Variants in WIPF3 observed in about 807,000 individuals in gnomAD.
WIPF3 encodes WAS/WASL-interacting protein family member 3.
WIPF3 carries 33 observed loss-of-function variants against 38.9 expected under a neutral mutation model. The observed-to-expected ratio is 0.85, with a 90% confidence interval of 0.64 to 1.14. WIPF3 has a LOEUF of 1.14. Among genes scored for constraint, WIPF3 ranks in the 50% most tolerant of loss-of-function variants. The pLI is 0.00. For synonymous variants in WIPF3, 324 were observed against 269.3 expected (o/e 1.20, Z -1.99); for missense variants, 711 against 652.5 (o/e 1.09, Z -0.98).
intron 2 of WIPF3, among the ~76,000 whole-genome samples, chr7:29,847,342 A>C (rs915801842): frequency 6.6e-6 from 1 of 152,168 alleles, no homozygotes; most frequent in Non-Finnish European, 1.5e-5. Flanking sequence ...GCAGTCTGAA[A>C]ATAGCCCAAA....
intron 7 of WIPF3, among the ~76,000 whole-genome samples, chr7:29,890,101 G>A (rs914720013): frequency 6.6e-6 from 1 of 152,164 alleles, no homozygotes; most frequent in East Asian, 1.9e-4. Context: ...ATCCATGCCT[G>A]TAACCCCAGC....
chr7:29,827,601 A>G (rs1784639614), intron 1 of WIPF3, among the ~76,000 whole-genome samples: 1 of 152,076 alleles, frequency 6.6e-6, no homozygotes, highest in African/African-American at 2.4e-5. Flanking sequence ...AATGTGAGAT[A>G]TATATTGCGT....
intron 7 of WIPF3, 55 bp downstream of exon 7, chr7:29,889,462 GC>G: frequency 7.4e-7 from 1 of 1,343,382 alleles, no homozygotes; most frequent in Non-Finnish European, 1.1e-6. Flanking sequence ...AAAATTAGGT[GC>G]CCACTGTGCA....
chr7:29,883,900 C>G lies in WIPF3; in HGVS notation c.406C>G (p.Pro136Ala). Residue 136 changes from proline (P) to alanine (A), a missense_variant, in exon 5 of 9, where the codon CCC (proline) becomes GCC (alanine). Coordinates refer to ENST00000242140, the MANE Select transcript of WIPF3 (RefSeq NM_001080529.3). Reference protein sequence around the residue: ...PGSRAPSPRLPNKTISGPLIP... With the variant: ...PGSRAPSPRLANKTISGPLIP... ...CTCCCGCGCGCCCTCTCCCAGGCTTCCCAACAAAACCATCAGCGGCCCGCT... is the reference window on the plus strand; with the variant it reads ...CTCCCGCGCGCCCTCTCCCAGGCTTGCCAACAAAACCATCAGCGGCCCGCT... The G allele has an allele frequency of 6.3e-7, 1 of 1,579,660 alleles. No individual in the cohort carries two copies. The highest frequency in any genetic ancestry group is 1.3e-5 in the African/African-American group (1 of 74,102).
rs1296237213 is a variant in WIPF3, at chr7:29,915,317, G to A, written c.*801G>A. ...CCAGTAGCCAGCTTTATGAGATTTT[G>A]GTATTTCTTCCCTACAGATTAAAAA... On this transcript the variant is annotated 3_prime_UTR_variant, in exon 9 of 9. Coordinates refer to ENST00000242140, the MANE Select transcript of WIPF3 (RefSeq NM_001080529.3). 6.6e-6 allele frequency: 1 copy of A among 151,680 alleles called. No individual in the cohort carries two copies. The highest frequency in any genetic ancestry group is 2.4e-5 in the African/African-American group (1 of 41,216). The allele number at this position is 151,680 out of a possible 1,614,324, so 9.4% of individuals were successfully genotyped here. A position where few individuals can be genotyped will look rare whatever the true frequency, so the allele number is the denominator to read the frequency against.
rs1490826481 is a variant in WIPF3, at chr7:29,826,020, A to G, written c.-57-8648A>G. Among the ~76,000 whole-genome samples, 5 of 152,278 alleles carry G rather than the reference A, an allele frequency of 3.3e-5. No individual in the cohort carries two copies. The South Asian group carries it at 6.2e-4, about 19-fold the overall frequency. ...CCTTTCACTTTGTATGTCATATTCA[A>G]TTCCAAGTACAGTAGCATTTGCATG... On this transcript the variant is annotated intron_variant, in intron 1 of 8. Coordinates refer to ENST00000242140, the MANE Select transcript of WIPF3 (RefSeq NM_001080529.3).
intron 4 of WIPF3, among the ~76,000 whole-genome samples, chr7:29,882,294 C>A (rs73075975): frequency 0.1 from 15,337 of 152,254 alleles, 1,031 homozygotes; most frequent in Non-Finnish European, 0.15. Flanking sequence ...TTCATTCAGC[C>A]ACTGGGCATG....
chr7:29,810,805 C>T (rs1784360976), intron 1 of WIPF3, among the ~76,000 whole-genome samples: 1 of 152,144 alleles, frequency 6.6e-6, no homozygotes, highest in Non-Finnish European at 1.5e-5. Context: ...AATTACTTAA[C>T]CTCTCTGTGT....
chr7:29,908,224 A>T (rs751107947), intron 8 of WIPF3, among the ~76,000 whole-genome samples: 1 of 152,246 alleles, frequency 6.6e-6, no homozygotes, highest in Non-Finnish European at 1.5e-5. Flanking sequence ...CAGGCAAAAT[A>T]GACATTAAAT....
intron 8 of WIPF3, chr7:29,904,580 C>A: frequency 1.9e-6 from 1 of 527,198 alleles, no homozygotes. Context: ...CTGGAATCAC[C>A]ACTACATATA....
chr7:29,882,889 C>T (rs1785751400), intron 4 of WIPF3, among the ~76,000 whole-genome samples: 3 of 152,142 alleles, frequency 2.0e-5, no homozygotes, highest in Admixed American at 6.5e-5. Context: ...TTTAATCTGC[C>T]TCCTGAGTAG....
At chr7:29,903,371 G>A (rs1019802847) in intron 7 of WIPF3, among the ~76,000 whole-genome samples, 11 of 152,100 alleles carry the variant, frequency 7.2e-5, no homozygotes, top group African/African-American at 2.4e-4. Flanking sequence ...TGAACCCTAC[G>A]TTACCTAAAA....
chr7:29,876,411 C>T (rs878902), intron 3 of WIPF3, among the ~76,000 whole-genome samples: 41,680 of 151,914 alleles, frequency 0.27, 5,965 homozygotes, highest in Middle Eastern at 0.36. Context: ...TGGCCCTTGC[C>T]AACCCAATCT....
intron 2 of WIPF3, among the ~76,000 whole-genome samples, chr7:29,843,150 G>A (rs1389203253): frequency 1.3e-5 from 2 of 152,240 alleles, no homozygotes; most frequent in Admixed American, 6.5e-5. Flanking sequence ...CCAGGAGCAG[G>A]AACATGGCTT....
intron 4 of WIPF3, among the ~76,000 whole-genome samples, chr7:29,881,274 G>T (rs1434390197): frequency 1.3e-5 from 2 of 152,082 alleles, no homozygotes; most frequent in Non-Finnish European, 2.9e-5. Flanking sequence ...TCTGTTTATT[G>T]TCTGTCTGAT....
intron 1 of WIPF3, among the ~76,000 whole-genome samples, chr7:29,833,078 T>G (rs1417381455): frequency 1.3e-5 from 2 of 152,242 alleles, no homozygotes; most frequent in Non-Finnish European, 2.9e-5. Context: ...CGGACAAATG[T>G]TGTATGGTTC....
At chr7:29,833,198 C>G (rs1279188603) in intron 1 of WIPF3, among the ~76,000 whole-genome samples, 3 of 152,128 alleles carry the variant, frequency 2.0e-5, no homozygotes, top group African/African-American at 7.2e-5. Context: ...TTAATGGGTA[C>G]AGAGTTTCTG....
At chr7:29,834,972 A>C (rs1784777579) in intron 2 of WIPF3, among the ~76,000 whole-genome samples, 158 bp downstream of exon 2, 1 of 152,194 alleles carries the variant, frequency 6.6e-6, no homozygotes, top group South Asian at 2.1e-4. Context: ...GTCTGATTCC[A>C]AACCAGCCTG....
At chr7:29,907,078 A>T (rs1023704308) in intron 8 of WIPF3, among the ~76,000 whole-genome samples, 1 of 152,238 alleles carries the variant, frequency 6.6e-6, no homozygotes, top group Non-Finnish European at 1.5e-5. Context: ...AGCTGTAGGA[A>T]GAAACAATGA....
Sources: allele counts gnomAD v4.1 joint callset (sites outside exome capture counted in the v4.1 genomes callset), GRCh38; gene constraint gnomAD v4.1.1; transcripts MANE v1.5; gene names NCBI Gene and HGNC (gene_info 2026-07-23, HGNC 2026-07-21).